The following PRPSAP1 variants were observed in gnomAD, a reference collection of about 807,000 sequenced individuals.
The protein encoded by PRPSAP1 is phosphoribosyl pyrophosphate synthase-associated protein 1.
A neutral mutation model predicts 39.4 loss-of-function variants in PRPSAP1; 31 were observed. The observed-to-expected ratio is 0.79, with a 90% CI of 0.59 to 1.06. The LOEUF (loss-of-function observed/expected upper bound fraction) is 1.06, where lower values mean the gene tolerates loss of function less well. Among genes scored for constraint, PRPSAP1 ranks in the 50% least tolerant of loss-of-function variants. PRPSAP1 has a pLI of 0.00. For synonymous variants in PRPSAP1, 212 were observed against 192.6 expected (o/e 1.10, Z -0.83); for missense variants, 430 against 511.6 (o/e 0.84, Z 1.54).
intron 3 of PRPSAP1, among the ~76,000 whole-genome samples, chr17:76,336,637 CAGG>C (rs1456140297): frequency 7.0e-6 from 1 of 142,950 alleles, no homozygotes; most frequent in East Asian, 2.0e-4. Context: ...GAGGCTGAGG[CAGG>C]AGAATAGCTT....
Position 76,330,679 on chromosome 17 carries a change from A to G in PRPSAP1, c.464-13T>C, listed in dbSNP as rs781132760. 2 of 1,566,122 alleles carry G rather than the reference A, an allele frequency of 1.3e-6. No individual in the cohort carries two copies. The highest frequency in any genetic ancestry group is 3.5e-5 in the Admixed American group (2 of 57,960). ...ATGTGAGTTAAACCTGAAATTTTAA[A>G]ACAAAAAATTACAAAGTTCACCCCT... On this transcript the variant is annotated splice_polypyrimidine_tract_variant and intron_variant, in intron 4 of 9. Transcript: ENST00000446526.
chr17:76,353,987 G>A (rs970426379), upstream of PRPSAP1: 3 of 1,266,022 alleles, frequency 2.4e-6, no homozygotes, highest in African/African-American at 3.2e-5. Context: ...TCTCGGATGA[G>A]GGCAGGGAGC....
chr17:76,348,454 C>T, intron 2 of PRPSAP1, 75 bp downstream of exon 2: 1 of 970,336 alleles, frequency 1.0e-6, no homozygotes, highest in Non-Finnish European at 1.4e-6. Context: ...GCCTGGGCGA[C>T]AGAGTGAGGC....
intron 5 of PRPSAP1, 87 bp downstream of exon 5, chr17:76,330,464 G>C (rs2071309096): frequency 1.0e-6 from 1 of 982,590 alleles, no homozygotes; most frequent in African/African-American, 1.6e-5. Context: ...CATTTGATGT[G>C]CCTTCCAGTA....
chr17:76,311,302 G>C lies in PRPSAP1; in HGVS notation c.*240C>G. ...CAGATTATTTTTAAGAAAGCAGCTA[G>C]AACTTTTAAGGAACAGGGCTGATGA... On this transcript the variant is annotated 3_prime_UTR_variant, in exon 10 of 10. Coordinates refer to ENST00000446526, the MANE Select transcript of PRPSAP1 (RefSeq NM_002766.3). The C allele has an allele frequency of 2.7e-6, 1 of 364,428 alleles. No individual in the cohort carries two copies. 22.6% of individuals were successfully genotyped at this position (364,428 alleles called of 1,614,324 possible).
chr17:76,317,088 G>A (rs192924861), intron 7 of PRPSAP1, among the ~76,000 whole-genome samples: 1 of 152,260 alleles, frequency 6.6e-6, no homozygotes, highest in African/African-American at 2.4e-5. Context: ...GAGTGGCTGG[G>A]CATGATGGCT....
intron 3 of PRPSAP1, among the ~76,000 whole-genome samples, chr17:76,340,928 G>C (rs78158940): frequency 0.043 from 6,434 of 151,150 alleles, 173 homozygotes; most frequent in Non-Finnish European, 0.061. Flanking sequence ...CGGGGGGTAG[G>C]GGGGGACTGT....
At chr17:76,313,124 G>T in intron 8 of PRPSAP1, 108 bp from the exon 9 acceptor site, 1 of 1,371,814 alleles carries the variant, frequency 7.3e-7, no homozygotes, top group Non-Finnish European at 9.7e-7. Context: ...GAGGATTTCT[G>T]ATGGAAAATC....
At chr17:76,344,927 C>T (rs889357205) in intron 2 of PRPSAP1, among the ~76,000 whole-genome samples, 190 bp from the exon 3 acceptor site, 5 of 151,774 alleles carry the variant, frequency 3.3e-5, no homozygotes, top group African/African-American at 1.2e-4. Flanking sequence ...ATGACAAAAT[C>T]CTGTCTCTAC....
At chr17:76,320,348 GAAGGAAGAAA>G (rs2071180998) in intron 7 of PRPSAP1, among the ~76,000 whole-genome samples, 1 of 95,520 alleles carries the variant, frequency 1.0e-5, no homozygotes, top group Non-Finnish European at 1.9e-5. Context: ...AGGGAGGAAG[GAAGGAAGAAA>G]AAGGAAGAAA....
chr17:76,323,476 A>G (rs971665612), intron 7 of PRPSAP1, among the ~76,000 whole-genome samples: 4 of 152,120 alleles, frequency 2.6e-5, no homozygotes, highest in Non-Finnish European at 5.9e-5. Flanking sequence ...CGCGTGATTC[A>G]TGGGAGGAGG....
intron 4 of PRPSAP1, among the ~76,000 whole-genome samples, chr17:76,331,009 G>C (rs2071315988): frequency 6.6e-6 from 1 of 152,152 alleles, no homozygotes; most frequent in Non-Finnish European, 1.5e-5. Context: ...CTTGATTACA[G>C]AATCTTAAAA....
At chr17:76,353,366 G>C in intron 1 of PRPSAP1, 168 bp downstream of exon 1, 1 of 662,294 alleles carries the variant, frequency 1.5e-6, no homozygotes, top group Non-Finnish European at 2.3e-6. Flanking sequence ...CAAAACCGGG[G>C]AGCGGGGGGC....
intron 1 of PRPSAP1, 121 bp downstream of exon 1, chr17:76,353,413 G>A (rs2071601527): frequency 6.9e-6 from 7 of 1,013,032 alleles, no homozygotes; most frequent in South Asian, 1.9e-5. Context: ...CGGCTGGGAA[G>A]GCCCGCGCCT....
Position 76,317,704 on chromosome 17 carries a change from G to A in PRPSAP1, c.782-3813C>T, listed in dbSNP as rs137878163. Among the ~76,000 whole-genome samples the A allele has an allele frequency of 5.0e-3, 763 of 152,222 alleles. 4 individuals are homozygous for A. The highest frequency in any genetic ancestry group is 0.017 in the African/African-American group (701 of 41,536). On this transcript the variant is annotated intron_variant, in intron 7 of 9. Transcript: ENST00000446526. ...AGTGGTGAAAACCACATCTTCACTC[G>A]TGAAATTAAGAAGCCAGGAAAAGCG...
intron 1 of PRPSAP1, among the ~76,000 whole-genome samples, chr17:76,352,116 T>G (rs1472595296): frequency 2.0e-5 from 3 of 152,082 alleles, no homozygotes; most frequent in Non-Finnish European, 4.4e-5. Flanking sequence ...AGTTTTCCCT[T>G]TCTTCTACAT....
In PRPSAP1 at chr17:76,350,713, G is replaced by A. The variant is rs567293040; in HGVS notation, c.171-2132C>T. Among the ~76,000 whole-genome samples, 3 of 152,226 alleles carry A rather than the reference G, an allele frequency of 2.0e-5. No homozygotes were observed. In the South Asian group the frequency reaches 6.2e-4, roughly 32 times the overall value. ...GTGCAACACTGTGAATGTAGTTAAA[G>A]CCACTGAAGTGTACACTTAAAAATG... On this transcript the variant is annotated intron_variant, in intron 1 of 9. Transcript: ENST00000446526.
In PRPSAP1 at chr17:76,332,321, C is replaced by T; in HGVS notation, c.405G>A (p.Lys135=). The T allele has an allele frequency of 6.2e-7, 1 of 1,614,190 alleles. No individual in the cohort carries two copies. Among genetic ancestry groups the T allele is most frequent in the Non-Finnish European group, 8.5e-7 (1 of 1,180,042 alleles). The change falls in exon 4 of 10, where the codon AAG becomes AAA. Residue 135 remains lysine (K), a synonymous_variant. Coordinates refer to ENST00000446526, the MANE Select transcript of PRPSAP1 (RefSeq NM_002766.3). ...ACACAATGGAACCCCTCTTCCTCAT[C>T]TTGCTCTGCTTGCTGTAGGGGAAGT... ...IPYFPYSKQS[K]MRKRGSIVCK...
intron 2 of PRPSAP1, among the ~76,000 whole-genome samples, chr17:76,347,676 C>T (rs888145960): frequency 2.0e-5 from 3 of 151,768 alleles, no homozygotes; most frequent in Admixed American, 6.6e-5. Flanking sequence ...GGAAGGGTTT[C>T]ATCTACTTGT....
Sources: gnomAD v4.1 joint callset for allele counts (sites outside exome capture counted in the v4.1 genomes callset) on GRCh38, gnomAD v4.1.1 for gene constraint, MANE v1.5 for transcripts, NCBI Gene and HGNC (gene_info 2026-07-23, HGNC 2026-07-21) for gene names.